Variants in GMDS observed in about 807,000 individuals in gnomAD.
The protein encoded by GMDS is GDP-mannose 4,6-dehydratase, also known as GDP-mannose 4,6 dehydratase.
Under a neutral mutation model 49.9 loss-of-function variants are expected in GMDS, and 20 were observed. That is an observed-to-expected ratio of 0.40 (90% CI 0.28 to 0.58). The LOEUF (loss-of-function observed/expected upper bound fraction) is 0.58, where lower values mean the gene tolerates loss of function less well. Among genes scored for constraint, GMDS ranks in the 20% least tolerant of loss-of-function variants. GMDS has a pLI of 0.42. For missense variants in GMDS, 362 were observed against 481.4 expected, an observed-to-expected ratio of 0.75 and a Z score of 2.32; for synonymous variants, 177 against 178.6, an observed-to-expected ratio of 0.99 and a Z score of 0.07.
intron 3 of GMDS, 138 bp downstream of exon 3, chr6:2,117,331 C>T: frequency 1.6e-6 from 1 of 636,324 alleles, no homozygotes; most frequent in South Asian, 1.8e-5. Flanking sequence ...AAATCGTATT[C>T]AGTGCAGTAA....
At chr6:2,164,059 A>T (rs1337893524) in intron 1 of GMDS, among the ~76,000 whole-genome samples, 1 of 152,206 alleles carries the variant, frequency 6.6e-6, no homozygotes, top group Non-Finnish European at 1.5e-5. Context: ...CAAGTCTAGC[A>T]TTTCTAATTC....
Position 2,213,338 on chromosome 6 carries a change from T to C in GMDS, c.102+31983A>G, listed in dbSNP as rs546942762. ...ATTCCAGCTGCTCATTAATCTGTCA[T>C]TTACTAATGGTGGGACCTTAGGCCC... On this transcript the variant is annotated intron_variant, in intron 1 of 10. Coordinates refer to ENST00000380815, the MANE Select transcript of GMDS (RefSeq NM_001500.4). 2.6e-5 allele frequency among the ~76,000 whole-genome samples: 4 copies of C among 152,346 alleles called. No homozygotes were observed. The South Asian group carries it at 8.3e-4, about 32-fold the overall frequency.
intron 7 of GMDS, among the ~76,000 whole-genome samples, chr6:1,866,472 A>C (rs1758446773): frequency 6.6e-6 from 1 of 152,194 alleles, no homozygotes; most frequent in Admixed American, 6.5e-5. Flanking sequence ...AGTATGAGCT[A>C]ATTCTGCTGC....
At chr6:1,867,440 A>AC (rs1400847207) in intron 7 of GMDS, among the ~76,000 whole-genome samples, 2 of 152,232 alleles carry the variant, frequency 1.3e-5, no homozygotes, top group East Asian at 3.9e-4. Context: ...CAGATGTGAT[A>AC]GAGTGTGCAG....
At chr6:2,190,575 A>G (rs1246348368) in intron 1 of GMDS, among the ~76,000 whole-genome samples, 2 of 152,336 alleles carry the variant, frequency 1.3e-5, no homozygotes, top group African/African-American at 4.8e-5. Context: ...AGGCTGCCAC[A>G]ATTTGGGAGA....
At chr6:1,625,393 G>C (rs1762821947) in intron 9 of GMDS, 1 of 152,082 alleles carries the variant, frequency 6.6e-6, no homozygotes, top group South Asian at 2.1e-4. Flanking sequence ...GTACTTCCAC[G>C]AGCGGAGCTG....
intron 7 of GMDS, among the ~76,000 whole-genome samples, chr6:1,912,865 A>C (rs1761139696): frequency 6.6e-6 from 1 of 152,164 alleles, no homozygotes; most frequent in African/African-American, 2.4e-5. Context: ...CCCCTCTGAA[A>C]ATGTGCCCAG....
At chr6:1,645,290 G>GC (rs1011128691) in intron 9 of GMDS, among the ~76,000 whole-genome samples, 1 of 152,144 alleles carries the variant, frequency 6.6e-6, no homozygotes, top group African/African-American at 2.4e-5. Flanking sequence ...CTGAATGCAA[G>GC]CCCCCCATGG....
At chr6:1,984,608 T>C (rs1017741800) in intron 4 of GMDS, among the ~76,000 whole-genome samples, 7 of 152,184 alleles carry the variant, frequency 4.6e-5, no homozygotes, top group African/African-American at 1.7e-4. Flanking sequence ...CTCATTGGCC[T>C]ATAGGCAAAA....
chr6:2,067,684 C>G (rs974290024), intron 4 of GMDS, among the ~76,000 whole-genome samples: 1,887 of 152,094 alleles, frequency 0.012, 42 homozygotes, highest in African/African-American at 0.044. Context: ...ATAAATTCCT[C>G]GACACATACA....
intron 6 of GMDS, among the ~76,000 whole-genome samples, chr6:1,954,500 A>G (rs937261195): frequency 1.3e-5 from 2 of 152,228 alleles, no homozygotes; most frequent in Non-Finnish European, 2.9e-5. Flanking sequence ...TTTGTTTCAG[A>G]ATTGGAGTCA....
chr6:1,855,687 A>C (rs1194518451), intron 7 of GMDS, among the ~76,000 whole-genome samples: 2 of 152,252 alleles, frequency 1.3e-5, no homozygotes, highest in Non-Finnish European at 2.9e-5. Flanking sequence ...TGTTAACCAA[A>C]ATACAGTCTG....
intron 7 of GMDS, among the ~76,000 whole-genome samples, chr6:1,749,520 G>A (rs994530244): frequency 2.0e-5 from 3 of 152,038 alleles, no homozygotes; most frequent in Admixed American, 2.0e-4. Flanking sequence ...TTGAACCCTG[G>A]AGGCGGAGGT....
chr6:1,732,869 C>T (rs1766866099), intron 8 of GMDS, among the ~76,000 whole-genome samples: 1 of 152,038 alleles, frequency 6.6e-6, no homozygotes, highest in Non-Finnish European at 1.5e-5. Context: ...ACAAAAACAT[C>T]TAATAAAGAA....
At chr6:2,205,222 C>T (rs1581793956) in intron 1 of GMDS, among the ~76,000 whole-genome samples, 1 of 152,136 alleles carries the variant, frequency 6.6e-6, no homozygotes, top group Admixed American at 6.5e-5. Flanking sequence ...TGGATAGTTG[C>T]AAAGCTGAAG....
At chr6:1,706,631 A>T (rs1384236196) in intron 9 of GMDS, among the ~76,000 whole-genome samples, 1 of 152,220 alleles carries the variant, frequency 6.6e-6, no homozygotes, top group Non-Finnish European at 1.5e-5. Context: ...TGCTGTTAAC[A>T]GTTTTGCTGG....
intron 1 of GMDS, among the ~76,000 whole-genome samples, chr6:2,174,541 C>G (rs1475560691): frequency 6.6e-6 from 1 of 151,414 alleles, no homozygotes; most frequent in Non-Finnish European, 1.5e-5. Context: ...TTTAATGGTG[C>G]CTAGTTTTTT....
At chr6:1,830,399 C>T (rs1176983590) in intron 7 of GMDS, among the ~76,000 whole-genome samples, 1 of 152,214 alleles carries the variant, frequency 6.6e-6, no homozygotes, top group African/African-American at 2.4e-5. Flanking sequence ...AATGTCTCCA[C>T]ACATTGCCCT....
chr6:1,797,728 CG>C (rs140694699), intron 7 of GMDS, among the ~76,000 whole-genome samples: 1,725 of 152,254 alleles, frequency 0.011, 28 homozygotes, highest in African/African-American at 0.039. Flanking sequence ...GTGGCAGAGC[CG>C]GTATCTGAAC....
Sources: gnomAD v4.1 joint callset for allele counts (sites outside exome capture counted in the v4.1 genomes callset) on GRCh38, gnomAD v4.1.1 for gene constraint, MANE v1.5 for transcripts, NCBI Gene and HGNC (gene_info 2026-07-23, HGNC 2026-07-21) for gene names.